PDSS2: variants seen among roughly 807,000 people sequenced by gnomAD.
PDSS2 encodes all trans-polyprenyl-diphosphate synthase PDSS2.
PDSS2 carries 31 observed loss-of-function variants against 44.5 expected under a neutral mutation model. The observed-to-expected ratio is 0.70, with a 90% CI of 0.52 to 0.94. PDSS2 has a LOEUF of 0.94. Among genes scored for constraint, PDSS2 ranks in the 40% least tolerant of loss-of-function variants. The pLI, the probability that PDSS2 is intolerant of heterozygous loss-of-function variation, is 0.00. For synonymous variants in PDSS2, 157 were observed against 180.3 expected, an observed-to-expected ratio of 0.87 and a Z score of 1.03; for missense variants, 452 against 482.2, an observed-to-expected ratio of 0.94 and a Z score of 0.59.
In PDSS2 at chr6:107,429,884, C is replaced by CAAAAAAAAAA. The variant is rs1163895804; in HGVS notation, c.296+29096_296+29105dup. On this transcript the variant is annotated intron_variant, in intron 1 of 7. Transcript: ENST00000369037. The stretch of plus-strand genomic sequence containing the variant: ...GGGCAACAAGAGCAAAACTTAGTCT[C>CAAAAAAAAAA]AAAAAAAAAAAAAAAAAATATATAT... 3.7e-3 allele frequency among the ~76,000 whole-genome samples: 20 copies of CAAAAAAAAAA among 5,382 alleles called. 1 individual carries two copies. The highest frequency in any genetic ancestry group is 6.8e-3 in the African/African-American group (16 of 2,354). 3.5% of individuals were successfully genotyped at this position (5,382 alleles called of 152,430 possible).
At chr6:107,248,170 C>T (rs1288886510) in intron 3 of PDSS2, among the ~76,000 whole-genome samples, 1 of 152,080 alleles carries the variant, frequency 6.6e-6, no homozygotes, top group Non-Finnish European at 1.5e-5. Context: ...CAGACATTCA[C>T]CTGTTTAGAT....
At chr6:107,454,174 T>C (rs1305565108) in intron 1 of PDSS2, among the ~76,000 whole-genome samples, 4 of 151,590 alleles carry the variant, frequency 2.6e-5, no homozygotes, top group South Asian at 2.1e-4. Context: ...CAGCCTCCCA[T>C]GTAGCTAAGA....
chr6:107,219,998 A>G (rs1247040495), intron 4 of PDSS2, among the ~76,000 whole-genome samples: 1 of 152,228 alleles, frequency 6.6e-6, no homozygotes, highest in Non-Finnish European at 1.5e-5. Flanking sequence ...TGCTAAGTGG[A>G]AGAAGCCGGA....
At chr6:107,303,449 C>A (rs1383994013) in intron 2 of PDSS2, among the ~76,000 whole-genome samples, 2 of 152,160 alleles carry the variant, frequency 1.3e-5, no homozygotes, top group Non-Finnish European at 2.9e-5. Flanking sequence ...TCTTTTATAG[C>A]TTAGCATATT....
At position 107,274,073 on chromosome 6, in the gene PDSS2, G is replaced by A; in HGVS notation, c.586C>T (p.Leu196=). The A allele has an allele frequency of 6.2e-7, 1 of 1,614,094 alleles. No individual in the cohort carries two copies. Among genetic ancestry groups the A allele is most frequent in the Non-Finnish European group, 8.5e-7 (1 of 1,179,980 alleles). Residue 196 remains leucine (L), a synonymous_variant, in exon 3 of 8, where the codon CTA becomes TTA. Coordinates refer to ENST00000369037, the MANE Select transcript of PDSS2 (RefSeq NM_020381.4). ...GCTAGTCCATTGCAGGCATTTGCTA[G>A]AAGAAAGTCTCCACTCAGGATAGCA... The part of the protein sequence containing the change: ...KIAILSGDFL[L]ANACNGLALL...
intron 1 of PDSS2, among the ~76,000 whole-genome samples, chr6:107,407,934 C>T (rs902739686): frequency 3.3e-5 from 5 of 152,118 alleles, no homozygotes; most frequent in Admixed American, 6.5e-5. Context: ...CTCCTGACCT[C>T]GTGATCCGCC....
chr6:107,299,603 T>C (rs1221843633), intron 2 of PDSS2, among the ~76,000 whole-genome samples: 4 of 152,274 alleles, frequency 2.6e-5, no homozygotes, highest in African/African-American at 4.8e-5. Context: ...ACCTCCTCCA[T>C]GCTGCTGTAC....
chr6:107,418,510 G>A (rs1332074153), intron 1 of PDSS2, among the ~76,000 whole-genome samples: 1 of 152,086 alleles, frequency 6.6e-6, no homozygotes, highest in Admixed American at 6.5e-5. Flanking sequence ...GGTGGCTCAC[G>A]CCTGTAATCC....
chr6:107,424,858 A>G (rs187048351), intron 1 of PDSS2, among the ~76,000 whole-genome samples: 1 of 152,228 alleles, frequency 6.6e-6, no homozygotes, highest in East Asian at 1.9e-4. Context: ...TCAGTCTTTG[A>G]TATGGTTTGG....
At chr6:107,185,917 G>A (rs1490470266) in intron 7 of PDSS2, among the ~76,000 whole-genome samples, 1 of 152,226 alleles carries the variant, frequency 6.6e-6, no homozygotes, top group Non-Finnish European at 1.5e-5. Context: ...ACAGCATTGT[G>A]CACTGGAGCA....
chr6:107,271,448 A>G (rs1489477687), intron 3 of PDSS2, among the ~76,000 whole-genome samples: 2 of 152,178 alleles, frequency 1.3e-5, no homozygotes, highest in African/African-American at 4.8e-5. Context: ...TTGATTTCCC[A>G]TATATATTTT....
intron 1 of PDSS2, among the ~76,000 whole-genome samples, chr6:107,336,854 G>GTA (rs1251624938): frequency 6.8e-6 from 1 of 146,442 alleles, no homozygotes; most frequent in African/African-American, 2.5e-5. Context: ...GTGTGTGTGT[G>GTA]TGTGTGTGTG....
intron 1 of PDSS2, among the ~76,000 whole-genome samples, chr6:107,362,960 A>C (rs1778826892): frequency 6.6e-6 from 1 of 152,226 alleles, no homozygotes; most frequent in Non-Finnish European, 1.5e-5. Context: ...GAGATAGATC[A>C]ATAGTAATTA....
intron 2 of PDSS2, among the ~76,000 whole-genome samples, chr6:107,327,788 A>G (rs1412157855): frequency 1.3e-5 from 2 of 152,194 alleles, no homozygotes; most frequent in East Asian, 3.9e-4. Flanking sequence ...TAAATATATT[A>G]TATTGCTTCA....
chr6:107,266,703 T>G (rs1775423536), intron 3 of PDSS2, among the ~76,000 whole-genome samples: 1 of 152,214 alleles, frequency 6.6e-6, no homozygotes, highest in Non-Finnish European at 1.5e-5. Flanking sequence ...GAATAGTTGC[T>G]TGGATATGCT....
intron 1 of PDSS2, among the ~76,000 whole-genome samples, chr6:107,432,842 C>A (rs142928621): frequency 6.6e-6 from 1 of 152,092 alleles, no homozygotes; most frequent in African/African-American, 2.4e-5. Context: ...ACCATATTCA[C>A]CCTACAATGC....
intron 1 of PDSS2, among the ~76,000 whole-genome samples, chr6:107,452,735 C>A (rs544086775): frequency 6.6e-6 from 1 of 151,436 alleles, no homozygotes; most frequent in South Asian, 2.1e-4. Flanking sequence ...GGCGCAATCT[C>A]GGCTCACTGC....
chr6:107,292,381 G>T (rs959981856), intron 2 of PDSS2, among the ~76,000 whole-genome samples: 2 of 152,058 alleles, frequency 1.3e-5, no homozygotes, highest in South Asian at 2.1e-4. Flanking sequence ...TTCCAAAAAA[G>T]AAAACTCAGT....
rs557962602 is a variant in PDSS2, at chr6:107,265,937, T to TCAAA, written c.630+8088_630+8091dup. ...CCTGGGCAACAAGAGCAAAACTGTC[T>TCAAA]CAAACAAACAAACAAACAAACAAAA... On this transcript the variant is annotated intron_variant, in intron 3 of 7. Transcript: ENST00000369037. Among the ~76,000 whole-genome samples the TCAAA allele has an allele frequency of 4.5e-4, 68 of 152,152 alleles. No homozygotes were observed. In the Middle Eastern group the frequency reaches 0.01, roughly 23 times the overall value.
Sources: gnomAD v4.1 joint callset for allele counts (sites outside exome capture counted in the v4.1 genomes callset) on GRCh38, gnomAD v4.1.1 for gene constraint, MANE v1.5 for transcripts, NCBI Gene and HGNC (gene_info 2026-07-23, HGNC 2026-07-21) for gene names.